The following AK9 variants were observed in gnomAD, a reference collection of about 807,000 sequenced individuals.
AK9 encodes adenylate kinase 9, also known as adenylate kinase domain containing 1.
A neutral mutation model predicts 239.6 loss-of-function variants in AK9; 191 were observed. The ratio of observed to expected loss-of-function variants is 0.80; its 90% CI spans 0.71 to 0.90. The LOEUF is 0.90. Among genes scored for constraint, AK9 ranks in the 40% least tolerant of loss-of-function variants. AK9 has a pLI of 0.00. For synonymous variants in AK9, 689 were observed against 721.0 expected, an observed-to-expected ratio of 0.96 and a Z score of 0.71; for missense variants, 1,995 against 2,214.7, an observed-to-expected ratio of 0.90 and a Z score of 1.99.
chr6:109,584,789 A>C (rs11754340), intron 19 of AK9, among the ~76,000 whole-genome samples: 52,475 of 151,942 alleles, frequency 0.35, 9,539 homozygotes, highest in South Asian at 0.44. Context: ...TTGTTTCTTC[A>C]ATTTGTAAAT....
intron 7 of AK9, among the ~76,000 whole-genome samples, chr6:109,658,075 GACA>G (rs1458572402): frequency 6.6e-6 from 1 of 151,924 alleles, no homozygotes; most frequent in African/African-American, 2.4e-5. Context: ...TCTATAGTTG[GACA>G]ACAATGTTTC....
intron 1 of AK9, among the ~76,000 whole-genome samples, chr6:109,688,687 G>A (rs1052197737): frequency 7.2e-5 from 11 of 152,176 alleles, no homozygotes; most frequent in African/African-American, 2.4e-4. Flanking sequence ...CTGGACAAGA[G>A]GTCCTGGGTC....
At chr6:109,627,660 T>C (rs997993468) in intron 12 of AK9, among the ~76,000 whole-genome samples, 1 of 95,108 alleles carries the variant, frequency 1.1e-5, no homozygotes, top group Admixed American at 1.3e-4. Context: ...TGAACTTCTG[T>C]TTTTTGTTTT....
chr6:109,540,747 G>A (rs939338504), intron 27 of AK9, among the ~76,000 whole-genome samples: 8 of 152,136 alleles, frequency 5.3e-5, no homozygotes, highest in Non-Finnish European at 2.9e-5. Flanking sequence ...CTTTAGAGGT[G>A]CCTTCAGTCT....
At position 109,614,499 on chromosome 6, in the gene AK9, T is replaced by C; in HGVS notation, c.1400-19A>G. 6.5e-7 allele frequency: 1 copy of C among 1,545,360 alleles called. No homozygotes were observed. Among genetic ancestry groups the C allele is most frequent in the Non-Finnish European group, 8.8e-7 (1 of 1,142,204 alleles). Reference sequence around the variant, plus strand: ...GTTTCAGCTGAAATATAACAATGGGTGGTGTTAGCAAAACGTAGTTGGGGA... The same window carrying C: ...GTTTCAGCTGAAATATAACAATGGGCGGTGTTAGCAAAACGTAGTTGGGGA... On this transcript the variant is annotated intron_variant, in intron 13 of 40. Coordinates refer to ENST00000424296, the MANE Select transcript of AK9 (RefSeq NM_001145128.3).
intron 3 of AK9, among the ~76,000 whole-genome samples, chr6:109,673,104 T>C (rs1418500435): frequency 6.6e-6 from 1 of 152,058 alleles, no homozygotes; most frequent in Non-Finnish European, 1.5e-5. Flanking sequence ...CCCAGGAGAG[T>C]TGTTATATCA....
chr6:109,610,280 CTA>C (rs1316058749), intron 17 of AK9, 83 bp downstream of exon 17: 1 of 1,449,730 alleles, frequency 6.9e-7, no homozygotes, highest in Non-Finnish European at 9.3e-7. Flanking sequence ...TCATAAGACT[CTA>C]AAATAATTAC....
intron 26 of AK9, among the ~76,000 whole-genome samples, chr6:109,544,861 C>A (rs941826317): frequency 1.3e-5 from 2 of 152,030 alleles, no homozygotes; most frequent in Non-Finnish European, 2.9e-5. Flanking sequence ...TCAGAGAACA[C>A]AATAATGGAA....
intron 20 of AK9, among the ~76,000 whole-genome samples, chr6:109,576,423 T>C (rs1175873563): frequency 6.8e-6 from 1 of 146,546 alleles, no homozygotes; most frequent in Non-Finnish European, 1.5e-5. Flanking sequence ...ATATATACTT[T>C]TTTTTTTTTT....
At chr6:109,614,515 T>A in intron 13 of AK9, 35 bp from the exon 14 acceptor site, 1 of 1,518,106 alleles carries the variant, frequency 6.6e-7, no homozygotes, top group Non-Finnish European at 8.9e-7. Context: ...TAGCAAAACG[T>A]AGTTGGGGAT....
intron 24 of AK9, among the ~76,000 whole-genome samples, chr6:109,553,621 T>C (rs1366659188): frequency 6.6e-6 from 1 of 152,214 alleles, no homozygotes; most frequent in Non-Finnish European, 1.5e-5. Flanking sequence ...TGGGGTATTC[T>C]AGATATAAAA....
chr6:109,661,263 C>T (rs1003330261), intron 6 of AK9, among the ~76,000 whole-genome samples: 3 of 152,208 alleles, frequency 2.0e-5, no homozygotes, highest in African/African-American at 2.4e-5. Context: ...CTACATTAAG[C>T]AGTCTCTTAT....
chr6:109,607,260 A>G (rs1793003306), intron 17 of AK9, among the ~76,000 whole-genome samples: 1 of 152,196 alleles, frequency 6.6e-6, no homozygotes, highest in Admixed American at 6.5e-5. Context: ...AAAATTACAG[A>G]ACAATGCTGG....
intron 12 of AK9, chr6:109,631,753 A>G (rs2128270541): frequency 6.6e-6 from 1 of 152,376 alleles, no homozygotes; most frequent in South Asian, 2.1e-4. Flanking sequence ...GGATAAATAC[A>G]TTATGGTATA....
intron 7 of AK9, 63 bp from the exon 8 acceptor site, chr6:109,656,947 T>C (rs2128311979): frequency 2.6e-6 from 4 of 1,567,866 alleles, no homozygotes; most frequent in Non-Finnish European, 3.5e-6. Context: ...TTACAAGCCA[T>C]ATTCCCCACT....
At position 109,629,964 on chromosome 6, in the gene AK9, A is replaced by G. The variant is rs1336302132; in HGVS notation, c.1254+2959T>C. Among the ~76,000 whole-genome samples the G allele has an allele frequency of 3.3e-5, 5 of 152,186 alleles. No individual in the cohort carries two copies. In the East Asian group the frequency reaches 5.8e-4, roughly 18 times the overall value. ...CTATGATGTTTGCACATTAAAAACCAGGTGATGCTTTACAGGAAAACATTA... is the reference window on the plus strand; with the variant it reads ...CTATGATGTTTGCACATTAAAAACCGGGTGATGCTTTACAGGAAAACATTA... On this transcript the variant is annotated intron_variant, in intron 12 of 40. Transcript: ENST00000424296.
intron 7 of AK9, among the ~76,000 whole-genome samples, chr6:109,658,281 C>G (rs944740991): frequency 5.3e-5 from 8 of 152,288 alleles, no homozygotes; most frequent in African/African-American, 1.7e-4. Context: ...GAGGGCTTTG[C>G]TAGCACACTG....
At position 109,649,520 on chromosome 6, in the gene AK9, C is replaced by T. The variant is rs1047011682; in HGVS notation, c.760-4832G>A. On this transcript the variant is annotated intron_variant, in intron 8 of 40. Transcript: ENST00000424296. The stretch of plus-strand genomic sequence containing the variant: ...GAGAATAAAATACCTAGGAATCCAA[C>T]TTACAAGGGATGTGAAGGACCTCTT... Among the ~76,000 whole-genome samples, 448 of 152,218 alleles carry T rather than the reference C, an allele frequency of 2.9e-3. 1 individual carries two copies. The highest frequency in any genetic ancestry group is 0.01 in the African/African-American group (430 of 41,518).
chr6:109,611,699 T>C (rs943645765), intron 16 of AK9, among the ~76,000 whole-genome samples: 4 of 152,160 alleles, frequency 2.6e-5, no homozygotes, highest in African/African-American at 7.2e-5. Context: ...ACTGATGTGA[T>C]GGCTGGAGCT....
Sources: gnomAD v4.1 joint callset for allele counts (sites outside exome capture counted in the v4.1 genomes callset) on GRCh38, gnomAD v4.1.1 for gene constraint, MANE v1.5 for transcripts, NCBI Gene and HGNC (gene_info 2026-07-23, HGNC 2026-07-21) for gene names.